The following RGS12 variants were observed in gnomAD, a reference collection of about 807,000 sequenced individuals.
The protein encoded by RGS12 is regulator of G protein signaling 12.
Under a neutral mutation model 120.1 loss-of-function variants are expected in RGS12, and 66 were observed. That is an observed-to-expected ratio of 0.55 (90% CI 0.45 to 0.67). RGS12 has a LOEUF of 0.67. Among genes scored for constraint, RGS12 ranks in the 30% least tolerant of loss-of-function variants. The probability of loss-of-function intolerance (pLI) is 0.00; values close to 1 mark genes in which losing one functional copy is unlikely to be tolerated. For missense variants in RGS12, 1,859 were observed against 1,957.7 expected, an observed-to-expected ratio of 0.95 and a Z score of 0.95; for synonymous variants, 827 against 804.7, an observed-to-expected ratio of 1.03 and a Z score of -0.47.
In RGS12 at chr4:3,317,775, G is replaced by A; in HGVS notation, c.1605G>A (p.Gln535=). The A allele has an allele frequency of 6.2e-7, 1 of 1,613,510 alleles. No individual in the cohort carries two copies. Among genetic ancestry groups the A allele is most frequent in the Non-Finnish European group, 8.5e-7 (1 of 1,179,990 alleles). Residue 535 remains glutamine, a synonymous_variant, in exon 2 of 18, where the codon CAG becomes CAA. Transcript: ENST00000336727. ...TGGGTGCTGGCTGTGGTTTCAACCA[G>A]CGCTGGCTCCCGGTCCACGTGCTCC... ...GTVGAGCGFN[Q]RWLPVHVLRE... is the part of the protein sequence containing the mutation.
rs1725157594 is a variant in RGS12 at position 3,439,637 on chromosome 4, G to A, written c.4297G>A (p.Glu1433Lys). The change falls in exon 18 of 18, where the codon GAG (glutamate) becomes AAG (lysine). Residue 1433 changes from glutamate to lysine, a missense_variant. This residue lies in a region of RGS12 where 517 missense variants were observed against 488.5 expected (regional missense o/e 1.06). Coordinates refer to ENST00000336727, the MANE Select transcript of RGS12 (RefSeq NM_001394154.1). Reference protein sequence around the residue: ...DLPGLGPVPGEPAKPKTSAHH... With the variant: ...DLPGLGPVPGKPAKPKTSAHH... The stretch of plus-strand genomic sequence containing the variant: ...CCCTGGCTTGGGCCCCGTCCCGGGT[G>A]AGCCTGCTAAGCCCAAGACCAGCGC... 6.3e-7 allele frequency: 1 copy of A among 1,589,254 alleles called. No individual in the cohort carries two copies. The highest frequency in any genetic ancestry group is 8.6e-7 in the Non-Finnish European group (1 of 1,167,884).
chr4:3,368,843 A>T (rs1349112903), intron 3 of RGS12, among the ~76,000 whole-genome samples: 2 of 151,898 alleles, frequency 1.3e-5, no homozygotes, highest in Non-Finnish European at 2.9e-5. Flanking sequence ...TAGCCCAGGA[A>T]TGGTGATGTG....
chr4:3,342,479 C>G, intron 2 of RGS12: 1 of 1,289,106 alleles, frequency 7.8e-7, no homozygotes. Context: ...GGGATTCTTT[C>G]ATTTCCTAAA....
chr4:3,427,905 G>T (rs1159122369), intron 14 of RGS12, among the ~76,000 whole-genome samples, 185 bp from the exon 15 acceptor site: 1 of 152,222 alleles, frequency 6.6e-6, no homozygotes, highest in East Asian at 1.9e-4. Context: ...CTGTGTGCGT[G>T]GAGGACGGGC....
intron 1 of RGS12, among the ~76,000 whole-genome samples, chr4:3,311,879 T>C (rs1344260638): frequency 2.0e-5 from 3 of 152,072 alleles, no homozygotes; most frequent in African/African-American, 7.2e-5. Context: ...TGATGGGAGG[T>C]GGCAGTGCTG....
chr4:3,343,261 T>C (rs1713438240), intron 3 of RGS12: 2 of 511,992 alleles, frequency 3.9e-6, no homozygotes, highest in African/African-American at 3.8e-5. Context: ...TCACAGGGCT[T>C]TCTGGGGTGC....
intron 4 of RGS12, among the ~76,000 whole-genome samples, chr4:3,408,239 G>C (rs958767855): frequency 6.6e-6 from 1 of 152,200 alleles, no homozygotes; most frequent in African/African-American, 2.4e-5. Flanking sequence ...TTTTAGGTGA[G>C]TGCTGCTCAG....
chr4:3,352,118 A>T (rs371447534), intron 3 of RGS12, among the ~76,000 whole-genome samples: 47 of 152,318 alleles, frequency 3.1e-4, no homozygotes, highest in Middle Eastern at 6.8e-3. Context: ...GGTGTGCAGA[A>T]CCAGACAGAA....
rs1719326728 is a variant in RGS12, at chr4:3,390,114, C to G, written c.2020+3677C>G. On this transcript the variant is annotated intron_variant, in intron 4 of 17. Coordinates refer to ENST00000336727, the MANE Select transcript of RGS12 (RefSeq NM_001394154.1). This position sits in a 1 kb window ranked among gnomAD's most constrained non-coding sequence, Gnocchi z 4.6. ...CAGCCCCTGCACTGGACCCCTCCACCAGCTCAGAGCCCCTGTTCCCCCAAC... is the reference window on the plus strand; with the variant it reads ...CAGCCCCTGCACTGGACCCCTCCACGAGCTCAGAGCCCCTGTTCCCCCAAC... Among the ~76,000 whole-genome samples the G allele has an allele frequency of 6.6e-6, 1 of 152,218 alleles. No homozygotes were observed. Among genetic ancestry groups the G allele is most frequent in the Non-Finnish European group, 1.5e-5 (1 of 68,042 alleles).
At chr4:3,301,640 A>G (rs1188721391) in intron 1 of RGS12, among the ~76,000 whole-genome samples, 1 of 148,022 alleles carries the variant, frequency 6.8e-6, no homozygotes, top group African/African-American at 2.5e-5. Context: ...GGGGATGGAC[A>G]GTGAGGCCGG....
Position 3,390,946 on chromosome 4 carries a change from A to G in RGS12, c.2020+4509A>G, listed in dbSNP as rs1211638460. Among the ~76,000 whole-genome samples the G allele has an allele frequency of 6.6e-6, 1 of 152,252 alleles. No homozygotes were observed. Among genetic ancestry groups the G allele is most frequent in the Non-Finnish European group, 1.5e-5 (1 of 68,036 alleles). On this transcript the variant is annotated intron_variant, in intron 4 of 17. Transcript: ENST00000336727. The surrounding 1 kb of genome is among the most constrained non-coding windows in gnomAD (Gnocchi z 4.6). ...GTATTCTATACAATTTTGAAAGAGA[A>G]AGGGAAAAGCTTGAGAGTAGAACCA... is the stretch of plus-strand genomic sequence containing the variant.
intron 2 of RGS12, among the ~76,000 whole-genome samples, chr4:3,328,307 CTG>C (rs1175725109): frequency 6.6e-6 from 1 of 152,214 alleles, no homozygotes; most frequent in Non-Finnish European, 1.5e-5. Flanking sequence ...GTTGCACAGA[CTG>C]TGCATAGACT....
chr4:3,291,567 G>A (rs1184426233), upstream of RGS12, among the ~76,000 whole-genome samples: 2 of 152,110 alleles, frequency 1.3e-5, no homozygotes, highest in African/African-American at 2.4e-5. Context: ...GGGTGGTCTC[G>A]AACTCCTGAG....
chr4:3,422,785 G>A (rs1723166244), intron 11 of RGS12, 120 bp from the exon 12 acceptor site: 2 of 1,044,766 alleles, frequency 1.9e-6, no homozygotes, highest in African/African-American at 1.6e-5. Flanking sequence ...CGCTTTCTTT[G>A]GATGGCTGTT....
chr4:3,377,783 C>T (rs1043294017), intron 3 of RGS12, among the ~76,000 whole-genome samples: 6 of 152,138 alleles, frequency 3.9e-5, no homozygotes, highest in Non-Finnish European at 4.4e-5. Context: ...TGAGCTGCCG[C>T]GTTCAAGAGA....
chr4:3,420,340 G>A (rs1307143373), intron 9 of RGS12: 18 of 493,784 alleles, frequency 3.6e-5, no homozygotes, highest in Non-Finnish European at 5.5e-5. Context: ...GATGTGATTT[G>A]TTGGGCACCT....
intron 3 of RGS12, among the ~76,000 whole-genome samples, chr4:3,381,135 T>G (rs752672275): frequency 2.0e-5 from 3 of 152,006 alleles, no homozygotes; most frequent in Non-Finnish European, 4.4e-5. Context: ...GTCTCTTTGC[T>G]AAAGCATAGC....
rs1195364332 is a variant in RGS12, at chr4:3,433,822, AGGC to A, written c.4114+2868_4114+2870del. On this transcript the variant is annotated intron_variant, in intron 17 of 17. Coordinates refer to ENST00000336727, the MANE Select transcript of RGS12 (RefSeq NM_001394154.1). The surrounding 1 kb of genome is among the most constrained non-coding windows in gnomAD (Gnocchi z 4.4). ...CCGAGACCGAGACCATGCACCATGC[AGGC>A]TGGCCGGTGCCCCCATGCATGTCTG... is the stretch of plus-strand genomic sequence containing the variant. 2.6e-5 allele frequency among the ~76,000 whole-genome samples: 4 copies of A among 152,090 alleles called. No homozygotes were observed. Among genetic ancestry groups the A allele is most frequent in the African/African-American group, 9.7e-5 (4 of 41,430 alleles).
intron 1 of RGS12, among the ~76,000 whole-genome samples, chr4:3,305,564 C>T (rs1362218812): frequency 6.6e-6 from 1 of 152,212 alleles, no homozygotes; most frequent in Non-Finnish European, 1.5e-5. Context: ...CCAACCACAG[C>T]CACGGTGCCA....
Sources: gnomAD v4.1 joint callset for allele counts (sites outside exome capture counted in the v4.1 genomes callset) on GRCh38, gnomAD v4.1.1 for gene constraint, gnomAD v4.1.1 regional missense constraint, Gnocchi (gnomAD v3.1) non-coding constraint, MANE v1.5 for transcripts, NCBI Gene and HGNC (gene_info 2026-07-23, HGNC 2026-07-21) for gene names.